The following IL1RAPL1 variants were observed in gnomAD, a reference collection of about 807,000 sequenced individuals.
IL1RAPL1 encodes the protein interleukin-1 receptor accessory protein-like 1.
In IL1RAPL1, 3 loss-of-function variants were observed where a neutral mutation model predicts 48.4. The observed-to-expected ratio is 0.06, with a 90% CI of 0.03 to 0.16. The LOEUF (loss-of-function observed/expected upper bound fraction) is 0.16, where lower values mean the gene tolerates loss of function less well. Ranked by LOEUF, IL1RAPL1 falls within the 10% of genes least tolerant of loss-of-function variation. IL1RAPL1 has a pLI of 1.00. For missense variants in IL1RAPL1, 349 were observed against 530.6 expected, an observed-to-expected ratio of 0.66 and a Z score of 3.36; for synonymous variants, 185 against 187.7, an observed-to-expected ratio of 0.99 and a Z score of 0.12.
intron 1 of IL1RAPL1, among the ~76,000 whole-genome samples, chrX:28,643,443 G>T (rs1024767377): frequency 9.0e-6 from 1 of 111,197 alleles, no homozygotes; most frequent in African/African-American, 3.3e-5. Flanking sequence ...TATCCTATTA[G>T]TTACAAGATG....
intron 2 of IL1RAPL1, among the ~76,000 whole-genome samples, chrX:29,069,107 T>C (rs1290494126): frequency 8.9e-6 from 1 of 112,040 alleles, no homozygotes; most frequent in Non-Finnish European, 1.9e-5. Context: ...TTTGCTTAGC[T>C]AGCTCAGGTA....
At chrX:28,606,813 T>A (rs1337509775) in intron 1 of IL1RAPL1, among the ~76,000 whole-genome samples, 1 of 111,623 alleles carries the variant, frequency 9.0e-6, no homozygotes, top group Non-Finnish European at 1.9e-5. Flanking sequence ...AATTTTCTTC[T>A]TTTTGTAGAT....
intron 1 of IL1RAPL1, among the ~76,000 whole-genome samples, chrX:28,613,466 G>A (rs1265161098): frequency 8.8e-6 from 1 of 113,114 alleles, no homozygotes; most frequent in East Asian, 2.8e-4. Context: ...GATTCAGAAG[G>A]ACGGCCTGAG....
In IL1RAPL1 at chrX:29,476,872, C is replaced by CTTTTTTTTTTTTTTTTTT. The variant is rs1198120274; in HGVS notation, c.703+77566_703+77583dup. On this transcript the variant is annotated intron_variant, in intron 5 of 10. Transcript: ENST00000378993. ...GACTCATTTACTTTTTACCCATATT[C>CTTTTTTTTTTTTTTTTTT]TTTTTTTTTTTTTTTTTTTGAGACG... Among the ~76,000 whole-genome samples the CTTTTTTTTTTTTTTTTTT allele has an allele frequency of 4.6e-3, 246 of 53,893 alleles. 67 individuals carry two copies. The highest frequency in any genetic ancestry group is 0.017 in the African/African-American group (126 of 7,323). 46.8% of individuals were successfully genotyped at this position (53,893 alleles called of 115,157 possible). A position where few individuals can be genotyped will look rare whatever the true frequency, so the allele number is the denominator to read the frequency against.
intron 5 of IL1RAPL1, among the ~76,000 whole-genome samples, chrX:29,594,698 TG>T (rs1192798122): frequency 9.0e-6 from 1 of 111,699 alleles, no homozygotes; most frequent in African/African-American, 3.2e-5. Context: ...TTTAATGAGT[TG>T]GGGATTTTTT....
intron 2 of IL1RAPL1, among the ~76,000 whole-genome samples, chrX:29,076,802 G>GTCTGTCTGTCTATCTATCTATCTA (rs568595100): frequency 0.015 from 1,459 of 97,243 alleles, 13 homozygotes; most frequent in Middle Eastern, 0.042. Flanking sequence ...CTGTCTGTCT[G>GTCTGTCTGTCTATCTATCTATCTA]TCTATCTATC....
At chrX:29,383,861 G>A (rs1276919661) in intron 3 of IL1RAPL1, among the ~76,000 whole-genome samples, 2 of 112,027 alleles carry the variant, frequency 1.8e-5, no homozygotes, top group African/African-American at 6.5e-5. Context: ...CTAATTCACA[G>A]TGTAATTCTG....
intron 5 of IL1RAPL1, among the ~76,000 whole-genome samples, chrX:29,523,734 G>C (rs1935525353): frequency 9.0e-6 from 1 of 111,495 alleles, no homozygotes; most frequent in African/African-American, 3.3e-5. Flanking sequence ...GATGAGCCCT[G>C]AATATATTTT....
chrX:28,997,677 A>G (rs1218574399), intron 2 of IL1RAPL1, among the ~76,000 whole-genome samples: 2 of 111,618 alleles, frequency 1.8e-5, no homozygotes, highest in East Asian at 5.6e-4. Context: ...TATTATTAAG[A>G]TAAACAGGAA....
chrX:28,983,566 G>A (rs191602860), intron 2 of IL1RAPL1, among the ~76,000 whole-genome samples: 97 of 111,735 alleles, frequency 8.7e-4, no homozygotes, highest in African/African-American at 2.8e-3. Context: ...TCCAATTTAC[G>A]CTAACATTGG....
intron 6 of IL1RAPL1, among the ~76,000 whole-genome samples, chrX:29,825,868 A>G (rs1395212681): frequency 9.0e-6 from 1 of 111,730 alleles, no homozygotes; most frequent in East Asian, 2.8e-4. Flanking sequence ...CAAGCTGTAC[A>G]GAAACAAAAC....
chrX:29,642,035 T>C (rs1301558594), intron 5 of IL1RAPL1, among the ~76,000 whole-genome samples: 1 of 112,413 alleles, frequency 8.9e-6, no homozygotes, highest in African/African-American at 3.2e-5. Flanking sequence ...AAAATCACTA[T>C]AAAGAAAAGG....
intron 6 of IL1RAPL1, among the ~76,000 whole-genome samples, chrX:29,698,113 C>T (rs188293691): frequency 9.1e-6 from 1 of 110,295 alleles, no homozygotes; most frequent in African/African-American, 3.3e-5. Context: ...CCCCTCCATG[C>T]ATCAAACTTT....
At chrX:29,938,921 TTTTATTG>T (rs1933079128) in intron 8 of IL1RAPL1, among the ~76,000 whole-genome samples, 2 of 112,586 alleles carry the variant, frequency 1.8e-5, no homozygotes, top group African/African-American at 6.4e-5. Context: ...AGTTTACTAC[TTTTATTG>T]CTGAGTATAT....
At position 29,565,088 on chromosome X, in the gene IL1RAPL1, A is replaced by G. The variant is rs1023959703; in HGVS notation, c.704-103342A>G. Among the ~76,000 whole-genome samples, 3 of 111,833 alleles carry G rather than the reference A, an allele frequency of 2.7e-5. No individual in the cohort carries two copies. In the East Asian group the frequency reaches 8.4e-4, roughly 31 times the overall value. On this transcript the variant is annotated intron_variant, in intron 5 of 10. Coordinates refer to ENST00000378993, the MANE Select transcript of IL1RAPL1 (RefSeq NM_014271.4). Reference sequence around the variant, plus strand: ...CCCTCATGCATCCCTCTTTTCATTTACTGAAAAAGCAATGACTGTGACATG... The same window carrying G: ...CCCTCATGCATCCCTCTTTTCATTTGCTGAAAAAGCAATGACTGTGACATG...
intron 5 of IL1RAPL1, among the ~76,000 whole-genome samples, chrX:29,441,847 T>A (rs1934550964): frequency 8.9e-6 from 1 of 112,164 alleles, no homozygotes; most frequent in African/African-American, 3.2e-5. Context: ...ATTTTTAACA[T>A]CTTTATTTTG....
chrX:29,938,448 G>A (rs149658153), intron 8 of IL1RAPL1, among the ~76,000 whole-genome samples: 1,584 of 111,524 alleles, frequency 0.014, 24 homozygotes, highest in African/African-American at 0.049. Context: ...TGGGGGCACC[G>A]TAAAAGAATC....
In IL1RAPL1 at chrX:29,933,920, G is replaced by A. The variant is rs756529716; in HGVS notation, c.1058-7731G>A. Among the ~76,000 whole-genome samples the A allele has an allele frequency of 3.6e-5, 4 of 110,855 alleles. No homozygotes were observed. The South Asian group carries it at 1.1e-3, about 32-fold the overall frequency. On this transcript the variant is annotated intron_variant, in intron 8 of 10. Coordinates refer to ENST00000378993, the MANE Select transcript of IL1RAPL1 (RefSeq NM_014271.4). ...CTTGAAGAAGCAAAGAGAGAGGCAT[G>A]TAGAAATCTAGGGGAAATACTCTCT...
rs191839407 is a variant in IL1RAPL1, at chrX:29,751,013, G to T, written c.778+82509G>T. 3.6e-5 allele frequency among the ~76,000 whole-genome samples: 4 copies of T among 111,757 alleles called. No individual in the cohort carries two copies. The East Asian group carries it at 1.1e-3, about 31-fold the overall frequency. On this transcript the variant is annotated intron_variant, in intron 6 of 10. Coordinates refer to ENST00000378993, the MANE Select transcript of IL1RAPL1 (RefSeq NM_014271.4). ...TAAAAGCTATACATGAAGAGTTAAA[G>T]TAGTTGATCCCCTCAACTCTAGTCT...
Sources: allele counts gnomAD v4.1 joint callset (sites outside exome capture counted in the v4.1 genomes callset), GRCh38; gene constraint gnomAD v4.1.1; transcripts MANE v1.5; gene names NCBI Gene and HGNC (gene_info 2026-07-23, HGNC 2026-07-21).